DHX29: variants seen among roughly 807,000 people sequenced by gnomAD.
The protein encoded by DHX29 is DExH-box helicase 29.
In DHX29, 79 loss-of-function variants were observed where a neutral mutation model predicts 167.9. That is an observed-to-expected ratio of 0.47 (90% CI 0.39 to 0.57). The LOEUF (loss-of-function observed/expected upper bound fraction) is 0.57. DHX29 is among the 20% of genes least tolerant of loss of function. The probability of loss-of-function intolerance (pLI) is 0.00; values close to 1 mark genes in which losing one functional copy is unlikely to be tolerated. For missense variants in DHX29, 1,347 were observed against 1,593.4 expected (o/e 0.85, Z 2.63); for synonymous variants, 530 against 546.0 (o/e 0.97, Z 0.41).
chr5:55,293,642 C>A (rs1336975544), intron 6 of DHX29, among the ~76,000 whole-genome samples: 1 of 151,964 alleles, frequency 6.6e-6, no homozygotes, highest in Non-Finnish European at 1.5e-5. Context: ...GCTTTTTTGA[C>A]TTAGTATATT....
intron 1 of DHX29, 46 bp downstream of exon 1, chr5:55,307,341 G>C (rs1165661044): frequency 6.5e-7 from 1 of 1,538,166 alleles, no homozygotes; most frequent in East Asian, 2.3e-5. Flanking sequence ...AGGACAAGCA[G>C]CAAGGTCTCA....
intron 6 of DHX29, among the ~76,000 whole-genome samples, chr5:55,291,101 T>G (rs1383513786): frequency 6.6e-6 from 1 of 152,162 alleles, no homozygotes; most frequent in Non-Finnish European, 1.5e-5. Context: ...ACTTCACATA[T>G]CTCTTATCTT....
intron 1 of DHX29, among the ~76,000 whole-genome samples, chr5:55,306,940 T>C (rs1748896865): frequency 1.3e-5 from 2 of 152,162 alleles, no homozygotes; most frequent in South Asian, 4.1e-4. Flanking sequence ...TTATTAAGTA[T>C]TGATTTTTCC....
chr5:55,298,893 G>A (rs1253283266), intron 1 of DHX29, among the ~76,000 whole-genome samples: 2 of 151,130 alleles, frequency 1.3e-5, no homozygotes, highest in East Asian at 1.9e-4. Context: ...AGCCGGGCGC[G>A]GTGGCGGGCG....
chr5:55,289,536 T>C (rs1747928768), intron 7 of DHX29, 108 bp from the exon 8 acceptor site: 2 of 852,686 alleles, frequency 2.3e-6, no homozygotes, highest in Non-Finnish European at 3.3e-6. Flanking sequence ...ATGGTTTTCA[T>C]GCCTTATTTT....
Position 55,262,769 on chromosome 5 carries a change from T to C in DHX29, c.3689A>G (p.Lys1230Arg). The C allele has an allele frequency of 1.2e-6, 2 of 1,614,148 alleles. No homozygotes were observed. The highest frequency in any genetic ancestry group is 2.2e-5 in the South Asian group (2 of 91,090). Reference sequence around the variant, plus strand: ...ATCCACTGACTTTGTATAGATTATCTTCCCCACATTGTCATACAGTCCAGC... The same window carrying C: ...ATCCACTGACTTTGTATAGATTATCCTCCCCACATTGTCATACAGTCCAGC... ...LVAGLYDNVG[K>R]IIYTKSVDVT... The change falls in exon 24 of 27, where the codon AAG (lysine) becomes AGG (arginine). Residue 1230 changes from lysine (K) to arginine (R), a missense_variant. By Grantham distance (26) the Lys-to-Arg change is conservative. This residue lies in a region of DHX29 where 882 missense variants were observed against 1,082.4 expected (regional missense o/e 0.81). Transcript: ENST00000251636.
rs747158128 is a variant in DHX29, at chr5:55,295,522, C to T, written c.508G>A (p.Ala170Thr). The T allele has an allele frequency of 3.7e-6, 6 of 1,610,862 alleles. No individual in the cohort carries two copies. In the Admixed American group the frequency reaches 6.8e-5, roughly 18 times the overall value. The change falls in exon 5 of 27, where the codon GCA (alanine) becomes ACA (threonine). Residue 170 changes from alanine to threonine, a missense_variant and splice_region_variant. Transcript: ENST00000251636. The stretch of plus-strand genomic sequence containing the variant: ...TCCTGACTGAATCCTTCAGGAAGTG[C>T]ATCTTAAAATAAAAGAAACTATGCT... ...DWLCLNLSDDALPEGFSQEFE... is the reference protein window; with the variant it reads ...DWLCLNLSDDTLPEGFSQEFE...
Position 55,277,112 on chromosome 5 carries a change from A to AT in DHX29, c.2279_2280insA (p.Val761CysfsTer2). 1 of 1,605,666 alleles carries AT rather than the reference A, an allele frequency of 6.2e-7. No homozygotes were observed. The highest frequency in any genetic ancestry group is 8.5e-7 in the Non-Finnish European group (1 of 1,177,240). On this transcript the variant is annotated frameshift_variant, in exon 13 of 27. Transcript: ENST00000251636. LOFTEE classifies it high-confidence loss of function. ...CATTATAAAGAAAACTTACCTCAAC[A>AT]GGATAACTTCTTCCTGAAATTCTGA...
At chr5:55,281,293 G>A (rs1341362826) in intron 12 of DHX29, 79 bp downstream of exon 12, 1 of 1,211,640 alleles carries the variant, frequency 8.3e-7, no homozygotes, top group South Asian at 2.8e-5. Context: ...TAAAGAAAAT[G>A]TTATCTAGTA....
At chr5:55,293,965 A>C in intron 6 of DHX29, 52 bp downstream of exon 6, 1 of 1,564,116 alleles carries the variant, frequency 6.4e-7, no homozygotes, top group Non-Finnish European at 8.6e-7. Context: ...AAAAGGAAAT[A>C]TATCTTGCTT....
At chr5:55,264,576 A>T (rs1746465417) in intron 23 of DHX29, among the ~76,000 whole-genome samples, 1 of 152,238 alleles carries the variant, frequency 6.6e-6, no homozygotes, top group South Asian at 2.1e-4. Context: ...CAAGGAAGCC[A>T]TCAAAGATTG....
chr5:55,267,347 G>C, intron 22 of DHX29, 116 bp from the exon 23 acceptor site: 2 of 750,290 alleles, frequency 2.7e-6, no homozygotes, highest in Non-Finnish European at 4.3e-6. Flanking sequence ...TAAAAGGGGA[G>C]GGATCTTGCT....
At chr5:55,283,096 C>G (rs1747517537) in intron 11 of DHX29, 107 bp downstream of exon 11, 1 of 1,268,362 alleles carries the variant, frequency 7.9e-7, no homozygotes, top group African/African-American at 1.5e-5. Context: ...ACTGATCAAC[C>G]AATAGCAGTG....
rs1482658893 is a variant in DHX29, at chr5:55,294,164, T to C, written c.652-19A>G. The stretch of plus-strand genomic sequence containing the variant: ...TTTTTGGCTAGAAAGAGAAAACAAA[T>C]ATCTGAAAAACCAAAGTTAGAAAAA... On this transcript the variant is annotated intron_variant, in intron 5 of 26. Transcript: ENST00000251636. The C allele has an allele frequency of 5.8e-6, 9 of 1,562,880 alleles. No homozygotes were observed. Among genetic ancestry groups the C allele is most frequent in the African/African-American group, 1.4e-5 (1 of 72,584 alleles).
chr5:55,300,873 G>A (rs1013084612), intron 1 of DHX29, among the ~76,000 whole-genome samples: 4 of 152,166 alleles, frequency 2.6e-5, no homozygotes, highest in African/African-American at 4.8e-5. Flanking sequence ...TTCACCATCA[G>A]AAATTTATTT....
chr5:55,261,259 C>T, intron 25 of DHX29, 109 bp downstream of exon 25: 1 of 558,608 alleles, frequency 1.8e-6, no homozygotes, highest in South Asian at 3.3e-5. Context: ...CTACTTAACT[C>T]ATATTAAGAA....
At chr5:55,299,465 T>G (rs1226937191) in intron 1 of DHX29, among the ~76,000 whole-genome samples, 1 of 152,150 alleles carries the variant, frequency 6.6e-6, no homozygotes, top group Non-Finnish European at 1.5e-5. Flanking sequence ...CATAACAAAT[T>G]ACCACAAACT....
intron 2 of DHX29, 22 bp from the exon 3 acceptor site, chr5:55,297,420 T>C (rs1748381138): frequency 2.1e-6 from 2 of 950,986 alleles, no homozygotes; most frequent in Non-Finnish European, 3.4e-6. Flanking sequence ...AAAAAGGTCA[T>C]ATCATTTAGA....
At position 55,283,217 on chromosome 5, in the gene DHX29, C is replaced by T. The variant is rs368475797; in HGVS notation, c.1951G>A (p.Gly651Arg). The change falls in exon 11 of 27, where the codon GGA (glycine) becomes AGA (arginine). Residue 651 changes from glycine to arginine, a missense_variant. Gly to Arg is a moderately radical substitution (Grantham distance 125). This residue lies in a region of DHX29 where 882 missense variants were observed against 1,082.4 expected (regional missense o/e 0.81). Transcript: ENST00000251636. Reference sequence around the variant, plus strand: ...TGACAGCTTACCCTTCCTCCAGGTCCATTTTCACAGCCCAATTCATCACAT... The same window carrying T: ...TGACAGCTTACCCTTCCTCCAGGTCTATTTTCACAGCCCAATTCATCACAT... ...RVCDELGCEN[G>R]PGGRNSLCGY... 2.5e-6 allele frequency: 4 copies of T among 1,588,054 alleles called. No homozygotes were observed. In the South Asian group the frequency reaches 3.4e-5, roughly 14 times the overall value.
Sources: allele counts gnomAD v4.1 joint callset (sites outside exome capture counted in the v4.1 genomes callset), GRCh38; gene constraint gnomAD v4.1.1; regional missense constraint gnomAD v4.1.1; transcripts MANE v1.5; gene names NCBI Gene and HGNC (gene_info 2026-07-23, HGNC 2026-07-21).